Variants in KALRN observed in about 807,000 individuals in gnomAD.
The protein encoded by KALRN is kalirin.
In KALRN, 70 loss-of-function variants were observed where a neutral mutation model predicts 353.7. The observed-to-expected ratio is 0.20, with a 90% confidence interval of 0.16 to 0.24. KALRN has a LOEUF of 0.24. KALRN is among the 10% of genes least tolerant of loss of function. The pLI is 1.00. For missense variants in KALRN, 2,791 were observed against 3,756.7 expected, an observed-to-expected ratio of 0.74 and a Z score of 6.72; for synonymous variants, 1,391 against 1,434.8, an observed-to-expected ratio of 0.97 and a Z score of 0.69.
At position 124,448,024 on chromosome 3, in the gene KALRN, A is replaced by G. The variant is rs551514042; in HGVS notation, c.3552+1139A>G. On this transcript the variant is annotated intron_variant, in intron 21 of 59. Coordinates refer to ENST00000682506, the MANE Select transcript of KALRN (RefSeq NM_001388419.1). ...GTTGGCTTTATCCGCCCTTCTCCAA[A>G]TAGGGCTTATAATGAGCCATTAACA... 7.2e-5 allele frequency among the ~76,000 whole-genome samples: 11 copies of G among 152,326 alleles called. No individual in the cohort carries two copies. In the East Asian group the frequency reaches 1.7e-3, roughly 24 times the overall value.
At chr3:124,389,253 C>A (rs1168062824) in intron 11 of KALRN, among the ~76,000 whole-genome samples, 1 of 152,074 alleles carries the variant, frequency 6.6e-6, no homozygotes, top group South Asian at 2.1e-4. Context: ...ATGAAAGCCC[C>A]TTTTGTAGGA....
chr3:124,309,252 T>TA (rs71145445), intron 6 of KALRN, among the ~76,000 whole-genome samples: 30,579 of 146,768 alleles, frequency 0.21, 3,142 homozygotes, highest in South Asian at 0.29. Context: ...AAGCTTATAT[T>TA]AAAAAAAAAA....
At chr3:124,545,924 G>T (rs2069583459) in intron 33 of KALRN, among the ~76,000 whole-genome samples, 2 of 152,144 alleles carry the variant, frequency 1.3e-5, no homozygotes, top group South Asian at 4.1e-4. Context: ...ACTGAGAAAA[G>T]AGATGCATTA....
At chr3:124,651,071 T>G in intron 38 of KALRN, 133 bp downstream of exon 38, 1 of 1,102,782 alleles carries the variant, frequency 9.1e-7, no homozygotes, top group Non-Finnish European at 1.3e-6. Flanking sequence ...GACTCAGATC[T>G]GTACAGCATA....
At chr3:124,242,481 C>T (rs970832051) in intron 3 of KALRN, among the ~76,000 whole-genome samples, 19 of 152,100 alleles carry the variant, frequency 1.2e-4, no homozygotes, top group Non-Finnish European at 5.9e-5. Flanking sequence ...AAGGAAGTGG[C>T]AGTGGTGGCA....
At chr3:124,490,165 GGA>G (rs1370265305) in intron 29 of KALRN, among the ~76,000 whole-genome samples, 1 of 152,112 alleles carries the variant, frequency 6.6e-6, no homozygotes, top group Non-Finnish European at 1.5e-5. Context: ...AGCTAAGCTG[GGA>G]GGATCACTTG....
intron 1 of KALRN, among the ~76,000 whole-genome samples, chr3:124,097,000 T>C (rs1165087068): frequency 6.6e-6 from 1 of 152,264 alleles, no homozygotes; most frequent in Non-Finnish European, 1.5e-5. Flanking sequence ...TTTTCCTTAA[T>C]GTGAAGTTTT....
At chr3:124,469,539 T>C (rs1041824748) in intron 25 of KALRN, among the ~76,000 whole-genome samples, 1 of 152,230 alleles carries the variant, frequency 6.6e-6, no homozygotes, top group African/African-American at 2.4e-5. Flanking sequence ...TGGTCATTAA[T>C]GGATTCTTTA....
intron 34 of KALRN, among the ~76,000 whole-genome samples, chr3:124,566,081 G>C (rs551572625): frequency 6.6e-6 from 1 of 152,272 alleles, no homozygotes; most frequent in Non-Finnish European, 1.5e-5. Flanking sequence ...TTTATTTCCA[G>C]GTTGGTTCCT....
chr3:124,508,486 C>T (rs529266731), intron 33 of KALRN, among the ~76,000 whole-genome samples: 174 of 152,196 alleles, frequency 1.1e-3, no homozygotes, highest in Middle Eastern at 3.4e-3. Context: ...TGGGATTCAT[C>T]GATGCTGATG....
intron 57 of KALRN, among the ~76,000 whole-genome samples, chr3:124,703,491 TA>T (rs551136226): frequency 1.0e-4 from 15 of 149,890 alleles, no homozygotes; most frequent in South Asian, 2.1e-4. Flanking sequence ...TGAGCAGATT[TA>T]AAAAAAAAAG....
At chr3:124,213,682 T>C (rs574163369) in intron 1 of KALRN, among the ~76,000 whole-genome samples, 1 of 152,294 alleles carries the variant, frequency 6.6e-6, no homozygotes, top group East Asian at 1.9e-4. Context: ...TTGAATCTTC[T>C]TTTATATCTT....
At chr3:124,541,131 T>A (rs932404851) in intron 33 of KALRN, among the ~76,000 whole-genome samples, 1 of 152,204 alleles carries the variant, frequency 6.6e-6, no homozygotes, top group Admixed American at 6.5e-5. Context: ...AAGGTTTTTG[T>A]GTATATGTGT....
chr3:124,548,880 C>G (rs1163713569), intron 33 of KALRN, among the ~76,000 whole-genome samples: 1 of 152,222 alleles, frequency 6.6e-6, no homozygotes, highest in Non-Finnish European at 1.5e-5. Context: ...TCTCATACTC[C>G]TCACCTCAGG....
intron 42 of KALRN, 127 bp from the exon 43 acceptor site, chr3:124,659,238 A>G (rs1247733252): frequency 4.2e-6 from 3 of 720,010 alleles, no homozygotes; most frequent in Non-Finnish European, 7.6e-6. Context: ...TACCTCTCAC[A>G]TTACTTAAAG....
chr3:124,504,815 AG>A (rs1485655032), intron 33 of KALRN: 1 of 470,472 alleles, frequency 2.1e-6, no homozygotes, highest in Non-Finnish European at 4.4e-6. Context: ...GAACCAGTTC[AG>A]CCCCACCACA....
rs182240235 is a variant in KALRN, at chr3:124,683,137, T to A, written c.7377+3620T>A. Among the ~76,000 whole-genome samples the A allele has an allele frequency of 3.6e-4, 55 of 151,892 alleles. 1 individual carries two copies. The highest frequency in any genetic ancestry group is 1.3e-3 in the African/African-American group (53 of 41,392). Reference sequence around the variant, plus strand: ...GAGATGTTTCTACATGGAAGAAGAGTCAAACCAAGCTGAAAACCAAACACA... The same window carrying A: ...GAGATGTTTCTACATGGAAGAAGAGACAAACCAAGCTGAAAACCAAACACA... On this transcript the variant is annotated intron_variant, in intron 51 of 59. Coordinates refer to ENST00000682506, the MANE Select transcript of KALRN (RefSeq NM_001388419.1).
Position 124,584,679 on chromosome 3 carries a change from G to A in KALRN, c.5182+21590G>A, listed in dbSNP as rs562170471. 130 of 1,432,240 alleles carry A rather than the reference G, an allele frequency of 9.1e-5. No homozygotes were observed. The South Asian group carries it at 1.7e-3, about 19-fold the overall frequency. 88.7% of individuals were successfully genotyped at this position (1,432,240 alleles called of 1,614,324 possible). ...TGGCAGTGGCTCCCAGTAAGTCAGA[G>A]CTGCGGCCGCGGTGCGGGGAGAGCA... On this transcript the variant is annotated intron_variant, in intron 34 of 59. Transcript: ENST00000682506.
rs993626501 is a variant in KALRN, at chr3:124,064,461, A to G, written c.73+30648A>G. ...CAGCCTTGATGAATAGAGAAGAAGA[A>G]TATTCTCTATATTCTTCTTCCACTT... On this transcript the variant is annotated intron_variant, in intron 1 of 59. Coordinates refer to ENST00000682506, the MANE Select transcript of KALRN (RefSeq NM_001388419.1). 2.6e-5 allele frequency among the ~76,000 whole-genome samples: 4 copies of G among 152,024 alleles called. 1 individual carries two copies. Among genetic ancestry groups the G allele is most frequent in the Non-Finnish European group, 5.9e-5 (4 of 67,996 alleles).
Sources: allele counts gnomAD v4.1 joint callset (sites outside exome capture counted in the v4.1 genomes callset), GRCh38; gene constraint gnomAD v4.1.1; transcripts MANE v1.5; gene names NCBI Gene and HGNC (gene_info 2026-07-23, HGNC 2026-07-21).